The following CATSPERE variants were observed in gnomAD, a reference collection of about 807,000 sequenced individuals.
CATSPERE encodes cation channel sperm-associated auxiliary subunit epsilon.
A neutral mutation model predicts 114.1 loss-of-function variants in CATSPERE; 93 were observed. That is an observed-to-expected ratio of 0.81 (90% CI 0.69 to 0.97). CATSPERE has a LOEUF of 0.97. Ranked by LOEUF, CATSPERE falls within the 50% of genes least tolerant of loss-of-function variation. CATSPERE has a pLI of 0.00. For missense variants in CATSPERE, 1,058 were observed against 1,131.6 expected, an observed-to-expected ratio of 0.93 and a Z score of 0.93; for synonymous variants, 341 against 384.1, an observed-to-expected ratio of 0.89 and a Z score of 1.31.
At chr1:244,530,943 A>G (rs1177568302) in intron 8 of CATSPERE, among the ~76,000 whole-genome samples, 1 of 152,100 alleles carries the variant, frequency 6.6e-6, no homozygotes, top group African/African-American at 2.4e-5. Context: ...ATATAAGATT[A>G]TATCAGCCAG....
chr1:244,516,495 G>A (rs1243503696), intron 7 of CATSPERE, among the ~76,000 whole-genome samples: 4 of 151,374 alleles, frequency 2.6e-5, no homozygotes, highest in Non-Finnish European at 5.9e-5. Flanking sequence ...CTACAGGTGC[G>A]CACCACCGTG....
intron 19 of CATSPERE, among the ~76,000 whole-genome samples, chr1:244,614,905 C>T (rs1031012806): frequency 2.0e-5 from 3 of 152,028 alleles, no homozygotes; most frequent in South Asian, 2.1e-4. Context: ...AATTCAGTTA[C>T]GTAACATGTT....
intron 1 of CATSPERE, among the ~76,000 whole-genome samples, chr1:244,455,505 T>G (rs915237677): frequency 5.1e-5 from 7 of 137,516 alleles, no homozygotes; most frequent in Non-Finnish European, 1.1e-4. Flanking sequence ...TTTTTAAGGG[T>G]TTTTTTTTTT....
intron 7 of CATSPERE, among the ~76,000 whole-genome samples, chr1:244,507,345 G>A (rs984601023): frequency 2.0e-5 from 3 of 152,052 alleles, no homozygotes; most frequent in Admixed American, 2.0e-4. Flanking sequence ...GTTTTCCATA[G>A]GAGTTGTACC....
At chr1:244,473,499 AC>A (rs979142977) in intron 2 of CATSPERE, among the ~76,000 whole-genome samples, 12 of 152,246 alleles carry the variant, frequency 7.9e-5, no homozygotes, top group African/African-American at 2.6e-4. Flanking sequence ...TATTCTGGAT[AC>A]CATCTTTTAT....
At chr1:244,543,912 A>G (rs1429643011) in intron 8 of CATSPERE, among the ~76,000 whole-genome samples, 1 of 152,260 alleles carries the variant, frequency 6.6e-6, no homozygotes, top group Non-Finnish European at 1.5e-5. Flanking sequence ...ACACCTTGTC[A>G]TGGCTCCTCT....
intron 12 of CATSPERE, 86 bp downstream of exon 12, chr1:244,581,940 C>A: frequency 1.8e-6 from 1 of 553,370 alleles, no homozygotes; most frequent in South Asian, 2.2e-5. Flanking sequence ...ATTTAAATGG[C>A]CTCATATTCT....
intron 8 of CATSPERE, among the ~76,000 whole-genome samples, chr1:244,528,639 C>T (rs1414520783): frequency 1.3e-5 from 2 of 152,114 alleles, no homozygotes; most frequent in Admixed American, 1.3e-4. Context: ...CTTTGTGTTA[C>T]AGTCTAATTA....
At chr1:244,639,712 C>T (rs2653155) in intron 21 of CATSPERE, among the ~76,000 whole-genome samples, 137,499 of 150,786 alleles carry the variant, frequency 0.91, 63,058 homozygotes, top group Non-Finnish European at 0.96. Context: ...TTTCCTCCTC[C>T]CATTGCATCA....
At chr1:244,587,641 A>G (rs1667186827) in intron 13 of CATSPERE, among the ~76,000 whole-genome samples, 1 of 152,264 alleles carries the variant, frequency 6.6e-6, no homozygotes, top group Non-Finnish European at 1.5e-5. Context: ...TATCCATAAA[A>G]TGAGGACAGT....
intron 10 of CATSPERE, among the ~76,000 whole-genome samples, chr1:244,571,390 A>G (rs1381891250): frequency 6.6e-6 from 1 of 152,226 alleles, no homozygotes; most frequent in East Asian, 1.9e-4. Flanking sequence ...GGCTGTACAC[A>G]GAGAATGTCA....
At chr1:244,476,853 C>G (rs1358095042) in intron 2 of CATSPERE, among the ~76,000 whole-genome samples, 1 of 152,136 alleles carries the variant, frequency 6.6e-6, no homozygotes, top group East Asian at 1.9e-4. Context: ...TGTTAATAGT[C>G]AGTAACGTGT....
At chr1:244,622,684 A>C (rs950574954) in intron 20 of CATSPERE, among the ~76,000 whole-genome samples, 3 of 152,154 alleles carry the variant, frequency 2.0e-5, no homozygotes, top group African/African-American at 7.2e-5. Flanking sequence ...TGGGGCCATA[A>C]GTGAAATCGT....
At chr1:244,584,060 C>T (rs1272144569) in intron 13 of CATSPERE, 121 bp downstream of exon 13, 1 of 645,270 alleles carries the variant, frequency 1.5e-6, no homozygotes, top group Middle Eastern at 3.0e-4. Context: ...ACAATACCTC[C>T]ATAGAGTACC....
At chr1:244,546,189 C>T (rs1279752531) in intron 8 of CATSPERE, among the ~76,000 whole-genome samples, 1 of 152,194 alleles carries the variant, frequency 6.6e-6, no homozygotes, top group African/African-American at 2.4e-5. Context: ...ACTACACCAT[C>T]TTCAGTGGCC....
At chr1:244,567,112 T>C (rs995414079) in intron 10 of CATSPERE, among the ~76,000 whole-genome samples, 2 of 152,210 alleles carry the variant, frequency 1.3e-5, no homozygotes, top group African/African-American at 4.8e-5. Flanking sequence ...TGAAGCTTAG[T>C]TTGGCTGAAT....
At chr1:244,570,644 A>G (rs1664296170) in intron 10 of CATSPERE, among the ~76,000 whole-genome samples, 1 of 152,234 alleles carries the variant, frequency 6.6e-6, no homozygotes. Flanking sequence ...TATTTAAAGC[A>G]AGGATGATTT....
chr1:244,620,350 G>C (rs1031632056), intron 20 of CATSPERE, among the ~76,000 whole-genome samples: 1 of 152,190 alleles, frequency 6.6e-6, no homozygotes, highest in Non-Finnish European at 1.5e-5. Context: ...GTTCACATGT[G>C]AAAGGCTGAG....
At chr1:244,490,384 G>T in intron 5 of CATSPERE, 63 bp from the exon 6 acceptor site, 2 of 1,081,756 alleles carry the variant, frequency 1.8e-6, no homozygotes, top group Non-Finnish European at 2.8e-6. Context: ...CTTGAAAGTA[G>T]AATATTCGAC....
Sources: gnomAD v4.1 joint callset for allele counts (sites outside exome capture counted in the v4.1 genomes callset) on GRCh38, gnomAD v4.1.1 for gene constraint, MANE v1.5 for transcripts, NCBI Gene and HGNC (gene_info 2026-07-23, HGNC 2026-07-21) for gene names.